Variants in PLEKHG6 observed in about 807,000 individuals in gnomAD.
PLEKHG6 encodes the protein pleckstrin homology domain-containing family G member 6.
A neutral mutation model predicts 97.5 loss-of-function variants in PLEKHG6; 91 were observed. That is an observed-to-expected ratio of 0.93 (90% CI 0.79 to 1.11). The LOEUF (loss-of-function observed/expected upper bound fraction) is 1.11, where lower values mean the gene tolerates loss of function less well. Ranked by LOEUF, PLEKHG6 falls within the 50% of genes most tolerant of loss-of-function variation. The pLI, the probability that PLEKHG6 is intolerant of heterozygous loss-of-function variation, is 0.00. For missense variants in PLEKHG6, 1,044 were observed against 1,031.0 expected (o/e 1.01, Z -0.17); for synonymous variants, 466 against 425.5 (o/e 1.10, Z -1.17).
At chr12:6,319,394 C>A (rs1947623014) in intron 13 of PLEKHG6, 1 of 787,934 alleles carries the variant, frequency 1.3e-6, no homozygotes, top group Non-Finnish European at 2.0e-6. Flanking sequence ...GTTGCAGTGA[C>A]CTGAGATCGT....
Position 6,318,841 on chromosome 12 carries a change from C to G in PLEKHG6, c.1372C>G (p.Leu458Val), listed in dbSNP as rs746844041. Residue 458 changes from leucine (L) to valine (V), a missense_variant, in exon 12 of 16, where the codon CTG becomes GTG. Physicochemically the swap from Leu to Val is conservative, Grantham distance 32. Transcript: ENST00000684764. ...CAAGGTCATCCGACCCCCTCTCATG[C>G]TGGAGAAGCTCGTGTGCCAACCCCT... ...KAKVIRPPLM[L>V]EKLVCQPLRD... is the part of the protein sequence containing the mutation. 3.7e-6 allele frequency: 6 copies of G among 1,614,252 alleles called. No homozygotes were observed. The South Asian group carries it at 5.5e-5, about 15-fold the overall frequency.
chr12:6,311,635 G>A (rs900618892), intron 1 of PLEKHG6, among the ~76,000 whole-genome samples: 5 of 152,116 alleles, frequency 3.3e-5, no homozygotes, highest in Admixed American at 6.5e-5. Context: ...TTTTTGCAGG[G>A]GGGGCAGCAG....
At chr12:6,318,610 C>T (rs1433753887) in intron 11 of PLEKHG6, 135 bp from the exon 12 acceptor site, 35 of 1,174,526 alleles carry the variant, frequency 3.0e-5, no homozygotes, top group Non-Finnish European at 4.3e-5. Context: ...CAAAGCGACG[C>T]CCCTGGCCAC....
At position 6,318,775 on chromosome 12, in the gene PLEKHG6, G is replaced by A; in HGVS notation, c.1306G>A (p.Val436Met). The A allele has an allele frequency of 2.5e-6, 4 of 1,613,890 alleles. No homozygotes were observed. The highest frequency in any genetic ancestry group is 3.3e-4 in the Middle Eastern group (2 of 6,062). Residue 436 changes from valine (V) to methionine (M), a missense_variant, in exon 12 of 16, where the codon GTG (valine) becomes ATG (methionine). Coordinates refer to ENST00000684764, the MANE Select transcript of PLEKHG6 (RefSeq NM_001384598.1). ...CGTGTACCTGTTCCTCTTCTCTGAT[G>A]TGCTCCTTGTGACCAAGCCCCAGCG... ...LDVYLFLFSD[V>M]LLVTKPQRKA...
In PLEKHG6 at chr12:6,317,950, G is replaced by C. The variant is rs780582316; in HGVS notation, c.1111G>C (p.Gly371Arg). 1.3e-6 allele frequency: 2 copies of C among 1,583,432 alleles called. No homozygotes were observed. The highest frequency in any genetic ancestry group is 3.7e-5 in the Admixed American group (2 of 54,254). The change falls in exon 10 of 16, where the codon GGG (glycine) becomes CGG (arginine). Residue 371 changes from glycine to arginine, a missense_variant. Physicochemically the swap from Gly to Arg is moderately radical, Grantham distance 125 (BLOSUM62 -2). Transcript: ENST00000684764. ...ESLAAAAQRI[G>R]PYEVLEPPSD... ...CTTGGCGGCTGCAGCACAACGCATCGGGCCCTACGAGGTGCTGGAGCCACC... is the reference window on the plus strand; with the variant it reads ...CTTGGCGGCTGCAGCACAACGCATCCGGCCCTACGAGGTGCTGGAGCCACC...
chr12:6,316,191 T>G lies in PLEKHG6; in HGVS notation c.607-64T>G. 1 of 1,463,610 alleles carries G rather than the reference T, an allele frequency of 6.8e-7. No individual in the cohort carries two copies. The highest frequency in any genetic ancestry group is 9.1e-7 in the Non-Finnish European group (1 of 1,094,502). 90.7% of individuals were successfully genotyped at this position (1,463,610 alleles called of 1,614,324 possible). A position where few individuals can be genotyped will look rare whatever the true frequency, so the allele number is the denominator to read the frequency against. ...CCAAGCTTAAGGTCCTCACCTTTCC[T>G]CAGCCAGTGCCACCCCTGGGGACCT... On this transcript the variant is annotated intron_variant, in intron 6 of 15. Coordinates refer to ENST00000684764, the MANE Select transcript of PLEKHG6 (RefSeq NM_001384598.1). This position sits in a 1 kb window ranked among gnomAD's most constrained non-coding sequence, Gnocchi z 4.1.
Position 6,328,124 on chromosome 12 carries a change from C to A in PLEKHG6, c.2364-12C>A. 2 of 1,614,086 alleles carry A rather than the reference C, an allele frequency of 1.2e-6. No individual in the cohort carries two copies. The highest frequency in any genetic ancestry group is 1.7e-6 in the Non-Finnish European group (2 of 1,179,940). On this transcript the variant is annotated splice_polypyrimidine_tract_variant and intron_variant, in intron 15 of 15. Transcript: ENST00000684764. ...ACTGAATGTCGCCTAACACCCCCTC[C>A]TGTCTTTTCAGAGAGGTATGAGGAA...
intron 13 of PLEKHG6, among the ~76,000 whole-genome samples, chr12:6,323,833 A>G (rs73259267): frequency 0.039 from 5,904 of 152,270 alleles, 391 homozygotes; most frequent in African/African-American, 0.13. Flanking sequence ...TCATTAGAAG[A>G]AAGGGGTGGT....
intron 13 of PLEKHG6, among the ~76,000 whole-genome samples, chr12:6,323,613 G>T (rs778934815): frequency 6.6e-6 from 1 of 152,226 alleles, no homozygotes; most frequent in African/African-American, 2.4e-5. Context: ...AGAAAGAGCC[G>T]TCAGAGATGG....
intron 13 of PLEKHG6, among the ~76,000 whole-genome samples, chr12:6,325,463 C>T (rs1441764859): frequency 6.6e-6 from 1 of 152,166 alleles, no homozygotes; most frequent in East Asian, 1.9e-4. Context: ...TCTCAGGTGG[C>T]GCTATTTCCT....
chr12:6,317,824 C>G, intron 9 of PLEKHG6, 33 bp from the exon 10 acceptor site: 1 of 1,538,472 alleles, frequency 6.5e-7, no homozygotes, highest in Non-Finnish European at 8.8e-7. Flanking sequence ...ACGGCTGAGC[C>G]GTCCCTCCTC....
At chr12:6,321,791 C>T (rs1214015350) in intron 13 of PLEKHG6, among the ~76,000 whole-genome samples, 1 of 139,270 alleles carries the variant, frequency 7.2e-6, no homozygotes, top group East Asian at 2.1e-4. Context: ...CGCGCCACTG[C>T]ACTCCAGCCT....
chr12:6,322,879 TAAA>T (rs58339954), intron 13 of PLEKHG6, among the ~76,000 whole-genome samples: 1 of 142,898 alleles, frequency 7.0e-6, no homozygotes, highest in African/African-American at 2.5e-5. Flanking sequence ...AGACCTTGTC[TAAA>T]AAAAAAAAAA....
At chr12:6,324,565 C>A (rs1481048760) in intron 13 of PLEKHG6, among the ~76,000 whole-genome samples, 1 of 152,128 alleles carries the variant, frequency 6.6e-6, no homozygotes, top group Non-Finnish European at 1.5e-5. Flanking sequence ...GGAGATGAGG[C>A]CTGGGAAAGA....
At position 6,313,199 on chromosome 12, in the gene PLEKHG6, G is replaced by A. The variant is rs546377131; in HGVS notation, c.139-430G>A. The A allele has an allele frequency of 4.3e-4, 660 of 1,547,734 alleles. 1 individual carries two copies. The highest frequency in any genetic ancestry group is 5.3e-4 in the Non-Finnish European group (609 of 1,143,846). ...GAAGGCTGCACATGTGAGTGCCCTC[G>A]TCCCCATGTGTGAGGGAGGCTGGTC... On this transcript the variant is annotated intron_variant, in intron 2 of 15. Transcript: ENST00000684764.
Position 6,317,676 on chromosome 12 carries a change from C to T in PLEKHG6, c.997C>T (p.Gln333Ter). The T allele has an allele frequency of 6.2e-7, 1 of 1,613,762 alleles. No homozygotes were observed. The highest frequency in any genetic ancestry group is 1.1e-5 in the South Asian group (1 of 91,074). Residue 333 changes from glutamine (Q) to a stop codon, truncating the protein, a stop_gained, in exon 9 of 16, where the codon CAA (glutamine) becomes TAA (stop). Coordinates refer to ENST00000684764, the MANE Select transcript of PLEKHG6 (RefSeq NM_001384598.1). LOFTEE classifies it high-confidence loss of function. Reference protein sequence around the residue: ...VLKRSPEARAQEALNAMIEAV... With the variant: ...VLKRSPEARA ...CAAGAGGAGCCCCGAGGCACGAGCC[C>T]AAGAGGCCCTGAATGCCATGGTAGG...
rs1016491265 is a variant in PLEKHG6 at position 6,315,394 on chromosome 12, A to T, written c.460-160A>T. ...GTTGCCACATATGTAAAGTGGGGAT[A>T]ATACCACCTACACATCAGAGCACTG... On this transcript the variant is annotated intron_variant, in intron 4 of 15. Coordinates refer to ENST00000684764, the MANE Select transcript of PLEKHG6 (RefSeq NM_001384598.1). The surrounding 1 kb of genome is among the most constrained non-coding windows in gnomAD (Gnocchi z 4.5). 3.3e-5 allele frequency among the ~76,000 whole-genome samples: 5 copies of T among 152,242 alleles called. No homozygotes were observed. The highest frequency in any genetic ancestry group is 5.9e-5 in the Non-Finnish European group (4 of 68,038).
At chr12:6,320,668 G>T (rs1051046434) in intron 13 of PLEKHG6, among the ~76,000 whole-genome samples, 1 of 152,150 alleles carries the variant, frequency 6.6e-6, no homozygotes, top group African/African-American at 2.4e-5. Context: ...AATCTGCGAA[G>T]ACTCTTTTTC....
chr12:6,323,502 G>A (rs901827080), intron 13 of PLEKHG6, among the ~76,000 whole-genome samples: 2 of 152,220 alleles, frequency 1.3e-5, no homozygotes, highest in Admixed American at 6.5e-5. Context: ...TAGCTGTGAT[G>A]ACTCACACTT....
Sources: allele counts gnomAD v4.1 joint callset (sites outside exome capture counted in the v4.1 genomes callset), GRCh38; gene constraint gnomAD v4.1.1; non-coding constraint Gnocchi (gnomAD v3.1); transcripts MANE v1.5; gene names NCBI Gene and HGNC (gene_info 2026-07-23, HGNC 2026-07-21).